MMP27: variants seen among roughly 807,000 people sequenced by gnomAD.
The protein encoded by MMP27 is matrix metallopeptidase 27.
MMP27 carries 51 observed loss-of-function variants against 48.1 expected under a neutral mutation model. The observed-to-expected ratio is 1.06, with a 90% CI of 0.85 to 1.34. The LOEUF (loss-of-function observed/expected upper bound fraction) is 1.34. MMP27 is among the 40% of genes most tolerant of loss of function. The pLI is 0.00. For synonymous variants in MMP27, 229 were observed against 208.9 expected (o/e 1.10, Z -0.83); for missense variants, 698 against 619.3 (o/e 1.13, Z -1.35).
Position 102,704,630 on chromosome 11 carries a change from A to G in MMP27, c.248T>C (p.Leu83Pro). Reference protein sequence around the residue: ...TVTGKLDSNTLEIMKTPRCGV... With the variant: ...TVTGKLDSNTPEIMKTPRCGV... ...ACACCTGGGTGTCTTCATGATCTCA[A>G]GGGTGTTTGAGTCCAGTTTTCCAGT... is the stretch of plus-strand genomic sequence containing the variant. The change falls in exon 2 of 10, where the codon CTT (leucine) becomes CCT (proline). Residue 83 changes from leucine to proline, a missense_variant. Leu to Pro is a moderately conservative substitution (Grantham distance 98). Coordinates refer to ENST00000260229, the MANE Select transcript of MMP27 (RefSeq NM_022122.3). The G allele has an allele frequency of 6.2e-7, 1 of 1,614,140 alleles. No individual in the cohort carries two copies. Among genetic ancestry groups the G allele is most frequent in the Non-Finnish European group, 8.5e-7 (1 of 1,179,998 alleles).
In MMP27 at chr11:102,695,000, C is replaced by T. The variant is rs139446845; in HGVS notation, c.1000G>A (p.Glu334Lys). The change falls in exon 7 of 10, where the codon GAG (glutamate) becomes AAG (lysine). Residue 334 changes from glutamate (E) to lysine (K), a missense_variant. Glu to Lys is a moderately conservative substitution (Grantham distance 56, BLOSUM62 1). Coordinates refer to ENST00000260229, the MANE Select transcript of MMP27 (RefSeq NM_022122.3). ...SLPADLQAAYENPRDKILVFK... is the reference protein window; with the variant it reads ...SLPADLQAAYKNPRDKILVFK... ...ACCAGAATCTTATCTCTGGGGTTCT[C>T]GTATGCAGCTTGCAGATCAGCTGGC... 1,570 of 1,613,886 alleles carry T rather than the reference C, an allele frequency of 9.7e-4. 23 individuals carry two copies. In the East Asian group the frequency reaches 0.024, roughly 25 times the overall value.
At chr11:102,705,069 G>C (rs543702801) in intron 1 of MMP27, among the ~76,000 whole-genome samples, 2 of 152,168 alleles carry the variant, frequency 1.3e-5, no homozygotes, top group Non-Finnish European at 2.9e-5. Flanking sequence ...ATGAAGCTTC[G>C]TCTGTCTGTT....
At chr11:102,703,162 C>T (rs1860978794) in intron 2 of MMP27, 44 bp from the exon 3 acceptor site, 1 of 1,565,486 alleles carries the variant, frequency 6.4e-7, no homozygotes, top group Admixed American at 1.7e-5. Context: ...CTTATTCATG[C>T]ATGAATATAC....
chr11:102,693,291 C>T (rs1286167450), intron 8 of MMP27, among the ~76,000 whole-genome samples: 2 of 152,124 alleles, frequency 1.3e-5, no homozygotes, highest in African/African-American at 2.4e-5. Context: ...TCAGAGAAAT[C>T]GTTACATCAG....
chr11:102,694,304 G>A (rs1198609429), intron 7 of MMP27, among the ~76,000 whole-genome samples: 1 of 152,126 alleles, frequency 6.6e-6, no homozygotes, highest in Admixed American at 6.5e-5. Context: ...TCATTGCATT[G>A]ATTGCTTTTA....
intron 2 of MMP27, 73 bp downstream of exon 2, chr11:102,704,464 T>C: frequency 8.5e-7 from 1 of 1,174,448 alleles, no homozygotes; most frequent in Non-Finnish European, 1.2e-6. Context: ...ATTGAATGAA[T>C]ATTATTCTGT....
chr11:102,691,918 G>C lies in MMP27; in HGVS notation c.1390C>G (p.Gln464Glu), dbSNP rs1326372785. Reference sequence around the variant, plus strand: ...GAGGAGTTCTTTGGTTCTTTGCATTGAAACCAAGTATTAGTTCTCATGATT... The same window carrying C: ...GAGGAGTTCTTTGGTTCTTTGCATTCAAACCAAGTATTAGTTCTCATGATT... ...TRIMRTNTWF[Q>E]CKEPKNSSFG... is the part of the protein sequence containing the mutation. The change falls in exon 10 of 10, where the codon CAA (glutamine) becomes GAA (glutamate). Residue 464 changes from glutamine to glutamate, a missense_variant. By Grantham distance (29) the Gln-to-Glu change is conservative. Transcript: ENST00000260229. The C allele has an allele frequency of 6.2e-7, 1 of 1,613,456 alleles. No homozygotes were observed. Among genetic ancestry groups the C allele is most frequent in the South Asian group, 1.1e-5 (1 of 91,050 alleles).
chr11:102,701,119 T>C (rs1231155949), intron 4 of MMP27, among the ~76,000 whole-genome samples: 2 of 152,196 alleles, frequency 1.3e-5, no homozygotes, highest in Non-Finnish European at 2.9e-5. Flanking sequence ...CTAAGAGTTA[T>C]ACAATTGGAT....
At chr11:102,697,885 A>T (rs963105888) in intron 4 of MMP27, among the ~76,000 whole-genome samples, 2 of 152,102 alleles carry the variant, frequency 1.3e-5, no homozygotes, top group African/African-American at 4.8e-5. Context: ...GTACAAAAAT[A>T]TTTCCTTCCT....
intron 4 of MMP27, among the ~76,000 whole-genome samples, chr11:102,702,132 C>T (rs1441813639): frequency 1.3e-5 from 2 of 152,168 alleles, no homozygotes; most frequent in African/African-American, 4.8e-5. Context: ...GCCAGGCAGA[C>T]CCATTGAGAA....
intron 4 of MMP27, among the ~76,000 whole-genome samples, chr11:102,700,222 G>A (rs1455232566): frequency 6.6e-6 from 1 of 152,216 alleles, no homozygotes; most frequent in Middle Eastern, 3.2e-3. Context: ...GATTTGTAGA[G>A]TATTTCTCAT....
At chr11:102,697,407 A>G (rs1269780143) in intron 4 of MMP27, among the ~76,000 whole-genome samples, 1 of 152,242 alleles carries the variant, frequency 6.6e-6, no homozygotes, top group Non-Finnish European at 1.5e-5. Context: ...CTTACAGTAC[A>G]TTATGTAGAC....
At chr11:102,693,139 T>C (rs1180816470) in intron 8 of MMP27, 98 bp from the exon 9 acceptor site, 21 of 794,562 alleles carry the variant, frequency 2.6e-5, no homozygotes. Flanking sequence ...ATGTGGGGAA[T>C]ACATAGGCAT....
rs1289222906 is a variant in MMP27, at chr11:102,702,888, TACA to T, written c.491-10_491-8del. 6.2e-7 allele frequency: 1 copy of T among 1,612,780 alleles called. No homozygotes were observed. Among genetic ancestry groups the T allele is most frequent in the African/African-American group, 1.3e-5 (1 of 74,818 alleles). On this transcript the variant is annotated splice_region_variant and splice_polypyrimidine_tract_variant and intron_variant, in intron 3 of 9. Coordinates refer to ENST00000260229, the MANE Select transcript of MMP27 (RefSeq NM_022122.3). Reference sequence around the variant, plus strand: ...CGAGGACACCGACCATGGACTGAGATACAATTTATGCGAGGAAAAAAGATCAGC... The same window carrying T: ...CGAGGACACCGACCATGGACTGAGATATTTATGCGAGGAAAAAAGATCAGC...
chr11:102,692,329 A>T (rs918903270), intron 9 of MMP27, among the ~76,000 whole-genome samples: 1 of 152,122 alleles, frequency 6.6e-6, no homozygotes, highest in African/African-American at 2.4e-5. Flanking sequence ...CCCTGTGGAT[A>T]TGGCCTTGGT....
intron 7 of MMP27, among the ~76,000 whole-genome samples, 191 bp downstream of exon 7, chr11:102,694,776 C>T (rs773411547): frequency 6.6e-6 from 1 of 152,180 alleles, no homozygotes; most frequent in South Asian, 2.1e-4. Flanking sequence ...CCCTGTGCAA[C>T]TAGGATTGTG....
At chr11:102,700,827 C>T (rs1860926162) in intron 4 of MMP27, among the ~76,000 whole-genome samples, 1 of 152,244 alleles carries the variant, frequency 6.6e-6, no homozygotes, top group African/African-American at 2.4e-5. Flanking sequence ...GCTTAAAGTC[C>T]TCTGACATCC....
rs201248506 is a variant in MMP27 at position 102,696,791 on chromosome 11, G to A, written c.664C>T (p.Leu222=). The change falls in exon 5 of 10, where the codon CTG becomes TTG. Residue 222 remains leucine (L), a synonymous_variant. Coordinates refer to ENST00000260229, the MANE Select transcript of MMP27 (RefSeq NM_022122.3). ...TGATCATTGGAGTGAGAGAGCCCCAGTGCATGACCAAATTCATGAGCAGCC... is the reference window on the plus strand; with the variant it reads ...TGATCATTGGAGTGAGAGAGCCCCAATGCATGACCAAATTCATGAGCAGCC... ...LVAAHEFGHA[L]GLSHSNDQTA... 2.0e-4 allele frequency: 329 copies of A among 1,613,060 alleles called. 1 individual carries two copies. The Middle Eastern group carries it at 2.8e-3, about 14-fold the overall frequency.
At chr11:102,705,326 TGATCTCCATACCTTGCAGGGCTC>T (rs1861025854) in intron 1 of MMP27, among the ~76,000 whole-genome samples, 1 of 152,156 alleles carries the variant, frequency 6.6e-6, no homozygotes, top group Admixed American at 6.5e-5. Context: ...GCTTTTATAG[TGATCTCCATACCTTGCAGGGCTC>T]TCTCCTTTCT....
Sources: gnomAD v4.1 joint callset for allele counts (sites outside exome capture counted in the v4.1 genomes callset) on GRCh38, gnomAD v4.1.1 for gene constraint, MANE v1.5 for transcripts, NCBI Gene and HGNC (gene_info 2026-07-23, HGNC 2026-07-21) for gene names.